Variants in CALN1 observed in about 807,000 individuals in gnomAD.
CALN1 encodes the protein calcium-binding protein 8.
A neutral mutation model predicts 30.6 loss-of-function variants in CALN1; 17 were observed. The observed-to-expected ratio is 0.56, with a 90% CI of 0.38 to 0.83. The LOEUF (loss-of-function observed/expected upper bound fraction) is 0.83. Among genes scored for constraint, CALN1 ranks in the 40% least tolerant of loss-of-function variants. The probability of loss-of-function intolerance (pLI) is 0.00; values close to 1 mark genes in which losing one functional copy is unlikely to be tolerated. For synonymous variants in CALN1, 156 were observed against 131.4 expected, an observed-to-expected ratio of 1.19 and a Z score of -1.28; for missense variants, 291 against 354.9, an observed-to-expected ratio of 0.82 and a Z score of 1.45.
At chr7:71,924,047 G>A (rs1035054110) in intron 5 of CALN1, among the ~76,000 whole-genome samples, 1 of 151,994 alleles carries the variant, frequency 6.6e-6, no homozygotes, top group Non-Finnish European at 1.5e-5. Context: ...ACAAAAATTA[G>A]CCAGGCATGG....
chr7:72,338,654 T>C (rs1478478608), intron 2 of CALN1, among the ~76,000 whole-genome samples: 2 of 152,116 alleles, frequency 1.3e-5, no homozygotes, highest in African/African-American at 2.4e-5. Flanking sequence ...GTAATCTTTT[T>C]TAAATATGTT....
intron 3 of CALN1, among the ~76,000 whole-genome samples, chr7:72,154,438 A>T (rs886777634): frequency 1.3e-5 from 2 of 152,164 alleles, no homozygotes; most frequent in Non-Finnish European, 2.9e-5. Flanking sequence ...ATCCCGAATT[A>T]GCCTCTGAAG....
At chr7:72,389,203 T>A (rs10950307) in intron 2 of CALN1, among the ~76,000 whole-genome samples, 76,800 of 151,982 alleles carry the variant, frequency 0.51, 19,727 homozygotes, top group East Asian at 0.72. Flanking sequence ...GGTATTCACA[T>A]CAAACACCCC....
intron 4 of CALN1, among the ~76,000 whole-genome samples, chr7:72,037,343 G>A (rs1460523889): frequency 6.6e-6 from 1 of 151,986 alleles, no homozygotes; most frequent in Admixed American, 6.6e-5. Flanking sequence ...GTAGAGATGG[G>A]GTTTCACTGT....
At chr7:72,203,183 T>C (rs1366392133) in intron 3 of CALN1, among the ~76,000 whole-genome samples, 1 of 151,842 alleles carries the variant, frequency 6.6e-6, no homozygotes, top group Non-Finnish European at 1.5e-5. Context: ...CCAGGGCCTG[T>C]CGGGGGGTGA....
At chr7:72,170,085 A>T (rs1164467895) in intron 3 of CALN1, among the ~76,000 whole-genome samples, 1 of 152,158 alleles carries the variant, frequency 6.6e-6, no homozygotes, top group Non-Finnish European at 1.5e-5. Flanking sequence ...TGCAGCCTGG[A>T]ACACCTAGGC....
chr7:72,192,607 T>C (rs376486535), intron 3 of CALN1, among the ~76,000 whole-genome samples: 7 of 151,530 alleles, frequency 4.6e-5, no homozygotes, highest in Admixed American at 2.0e-4. Context: ...CTAGGCAACA[T>C]TGGGAGATCC....
rs1313592899 is a variant in CALN1 at position 71,972,016 on chromosome 7, A to AG, written c.501+51640_501+51641insC. Among the ~76,000 whole-genome samples the AG allele has an allele frequency of 1.5e-3, 221 of 143,618 alleles. 1 individual carries two copies. Among genetic ancestry groups the AG allele is most frequent in the Admixed American group, 2.2e-3 (29 of 13,228 alleles). The allele number at this position is 143,618 out of a possible 152,430, so 94.2% of individuals were successfully genotyped here. A position where few individuals can be genotyped will look rare whatever the true frequency, so the allele number is the denominator to read the frequency against. On this transcript the variant is annotated intron_variant, in intron 5 of 6. Transcript: ENST00000395275. ...AAGAGAAAGAAAGAAAAAAAGAAAGAAAAGAAAGAAAGAAAGAAAGACACA... is the reference window on the plus strand; with the variant it reads ...AAGAGAAAGAAAGAAAAAAAGAAAGAGAAAGAAAGAAAGAAAGAAAGACACA...
At chr7:72,267,384 G>A (rs775029831) in intron 3 of CALN1, among the ~76,000 whole-genome samples, 3 of 152,184 alleles carry the variant, frequency 2.0e-5, no homozygotes, top group Non-Finnish European at 4.4e-5. Context: ...CTGGGCTGCA[G>A]GGCACCTCTC....
At chr7:72,216,551 G>A (rs533649478) in intron 3 of CALN1, among the ~76,000 whole-genome samples, 2 of 152,242 alleles carry the variant, frequency 1.3e-5, no homozygotes, top group Non-Finnish European at 2.9e-5. Context: ...ACCCTAGGGA[G>A]GTGGAGAAGA....
intron 2 of CALN1, among the ~76,000 whole-genome samples, chr7:72,335,117 C>T (rs565791355): frequency 1.3e-5 from 2 of 152,262 alleles, no homozygotes; most frequent in African/African-American, 4.8e-5. Context: ...GTACAGGTAG[C>T]AGATAAAAAT....
chr7:72,149,608 C>G (rs201003735), intron 3 of CALN1, among the ~76,000 whole-genome samples: 2 of 152,186 alleles, frequency 1.3e-5, no homozygotes, highest in African/African-American at 4.8e-5. Context: ...CTCCCCTCAC[C>G]GTTCCCCACA....
chr7:72,403,241 G>A lies in CALN1; in HGVS notation c.119+10C>T, dbSNP rs541388362. ...ATCTAGGTCCTTGGGTTTGGGGGAA[G>A]AAGACTTGCCAGGTGGGGAAGTCGG... On this transcript the variant is annotated intron_variant, in intron 2 of 6. Coordinates refer to ENST00000395275, the MANE Select transcript of CALN1 (RefSeq NM_031468.4). 253 of 1,546,024 alleles carry A rather than the reference G, an allele frequency of 1.6e-4. 2 individuals carry two copies. In the South Asian group the frequency reaches 2.7e-3, roughly 17 times the overall value.
chr7:72,393,210 G>A (rs565407479), intron 2 of CALN1, among the ~76,000 whole-genome samples: 30 of 152,284 alleles, frequency 2.0e-4, no homozygotes, highest in African/African-American at 6.3e-4. Flanking sequence ...GCTCACACCT[G>A]TAATCCCAGC....
chr7:71,884,139 T>G (rs1471717053), intron 5 of CALN1, among the ~76,000 whole-genome samples: 1 of 152,138 alleles, frequency 6.6e-6, no homozygotes, highest in East Asian at 1.9e-4. Context: ...GGTCTTGATC[T>G]CCTGACCTCA....
chr7:72,371,329 C>T (rs1222636732), intron 2 of CALN1, among the ~76,000 whole-genome samples: 1 of 152,160 alleles, frequency 6.6e-6, no homozygotes, highest in African/African-American at 2.4e-5. Context: ...CTACCCAAAT[C>T]TCATCTTGAA....
At chr7:72,183,894 A>G (rs371952815) in intron 3 of CALN1, among the ~76,000 whole-genome samples, 13 of 152,160 alleles carry the variant, frequency 8.5e-5, no homozygotes, top group Admixed American at 7.2e-4. Flanking sequence ...CCCCTCGAAC[A>G]AAGAAAAACT....
intron 3 of CALN1, among the ~76,000 whole-genome samples, chr7:72,224,109 G>A (rs934178412): frequency 6.6e-6 from 1 of 152,056 alleles, no homozygotes; most frequent in African/African-American, 2.4e-5. Context: ...ATATACCCTT[G>A]TAATATATAC....
chr7:71,923,896 A>G (rs1165806161), intron 5 of CALN1, among the ~76,000 whole-genome samples: 3 of 152,096 alleles, frequency 2.0e-5, no homozygotes, highest in African/African-American at 7.2e-5. Context: ...TTGCAGTCCA[A>G]GATTAGGATT....
Sources: gnomAD v4.1 joint callset for allele counts (sites outside exome capture counted in the v4.1 genomes callset) on GRCh38, gnomAD v4.1.1 for gene constraint, MANE v1.5 for transcripts, NCBI Gene and HGNC (gene_info 2026-07-23, HGNC 2026-07-21) for gene names.